PDE4D: variants seen among roughly 807,000 people sequenced by gnomAD.
The protein encoded by PDE4D is phosphodiesterase 4D, also known as 3',5'-cyclic-AMP phosphodiesterase 4D.
In PDE4D, 24 loss-of-function variants were observed where a neutral mutation model predicts 87.4. The observed-to-expected ratio is 0.27, with a 90% CI of 0.20 to 0.39. PDE4D has a LOEUF of 0.39. PDE4D is among the 10% of genes least tolerant of loss of function. The probability of loss-of-function intolerance (pLI) is 1.00; values close to 1 mark genes in which losing one functional copy is unlikely to be tolerated. For synonymous variants in PDE4D, 384 were observed against 383.2 expected, an observed-to-expected ratio of 1.00 and a Z score of -0.02; for missense variants, 714 against 1,041.0, an observed-to-expected ratio of 0.69 and a Z score of 4.32.
intron 1 of PDE4D, among the ~76,000 whole-genome samples, chr5:60,363,831 A>T (rs1237940105): frequency 1.3e-5 from 2 of 152,212 alleles, no homozygotes; most frequent in African/African-American, 4.8e-5. Flanking sequence ...AAGAGAAAGA[A>T]GGCCAGTGTC....
chr5:59,576,224 T>C (rs1823124259), intron 1 of PDE4D, among the ~76,000 whole-genome samples: 2 of 152,142 alleles, frequency 1.3e-5, no homozygotes, highest in South Asian at 4.1e-4. Context: ...ACTGTCCCTA[T>C]GTTACAGATC....
At chr5:59,110,050 C>T (rs189882838) in intron 5 of PDE4D, among the ~76,000 whole-genome samples, 3 of 152,286 alleles carry the variant, frequency 2.0e-5, no homozygotes, top group South Asian at 2.1e-4. Context: ...AAACTATGAC[C>T]ACTGAGCCTT....
intron 6 of PDE4D, among the ~76,000 whole-genome samples, chr5:59,009,180 T>A (rs1752261890): frequency 6.6e-6 from 1 of 152,054 alleles, no homozygotes; most frequent in Non-Finnish European, 1.5e-5. Context: ...TCTTATAAAG[T>A]TAAAAAGTAG....
intron 2 of PDE4D, among the ~76,000 whole-genome samples, chr5:59,198,503 T>G (rs1745986880): frequency 6.6e-6 from 1 of 152,142 alleles, no homozygotes; most frequent in Non-Finnish European, 1.5e-5. Flanking sequence ...TTTCATGATG[T>G]CCAAGGAGGT....
chr5:59,409,616 C>T (rs914367106), intron 1 of PDE4D, among the ~76,000 whole-genome samples: 3 of 152,160 alleles, frequency 2.0e-5, no homozygotes, highest in Admixed American at 6.5e-5. Flanking sequence ...GAGACACCTA[C>T]TCCCCTTTTG....
At chr5:60,460,392 C>T in intron 1 of PDE4D, 1 of 1,039,818 alleles carries the variant, frequency 9.6e-7, no homozygotes. Flanking sequence ...TCAAATAATG[C>T]AGTGCCTCTT....
intron 1 of PDE4D, among the ~76,000 whole-genome samples, chr5:60,418,427 T>A (rs1324060145): frequency 2.0e-5 from 3 of 152,128 alleles, no homozygotes; most frequent in Non-Finnish European, 4.4e-5. Flanking sequence ...ATTAGGAAAA[T>A]CAACCACAGC....
intron 1 of PDE4D, among the ~76,000 whole-genome samples, chr5:60,221,706 G>A (rs960296496): frequency 6.6e-6 from 1 of 151,918 alleles, no homozygotes; most frequent in African/African-American, 2.4e-5. Context: ...CGAATAATAT[G>A]GTATATATTA....
intron 5 of PDE4D, among the ~76,000 whole-genome samples, chr5:59,090,430 A>C (rs1768490763): frequency 6.6e-6 from 1 of 152,122 alleles, no homozygotes; most frequent in African/African-American, 2.4e-5. Flanking sequence ...TCCTCCCGTG[A>C]TATAGAGGAT....
In PDE4D at chr5:59,219,925, G is replaced by A. The variant is rs962328730; in HGVS notation, c.456-3957C>T. On this transcript the variant is annotated intron_variant, in intron 1 of 14. Coordinates refer to ENST00000340635, the MANE Select transcript of PDE4D (RefSeq NM_001104631.2). ...AAGCCACAAAAACAAAACCAAGAAGGAATGAATAAGGCGTGTATATAAAAC... is the reference window on the plus strand; with the variant it reads ...AAGCCACAAAAACAAAACCAAGAAGAAATGAATAAGGCGTGTATATAAAAC... 2.6e-5 allele frequency among the ~76,000 whole-genome samples: 4 copies of A among 152,062 alleles called. 1 individual carries two copies. Among genetic ancestry groups the A allele is most frequent in the Admixed American group, 2.0e-4 (3 of 15,234 alleles).
chr5:59,879,740 G>GT (rs977595326), intron 1 of PDE4D, among the ~76,000 whole-genome samples: 1 of 152,020 alleles, frequency 6.6e-6, no homozygotes, highest in Non-Finnish European at 1.5e-5. Flanking sequence ...TTGTTTTTGG[G>GT]TTTTTTTGTT....
chr5:59,208,726 A>G (rs184559866), intron 2 of PDE4D, among the ~76,000 whole-genome samples: 1 of 152,342 alleles, frequency 6.6e-6, no homozygotes, highest in Admixed American at 6.5e-5. Context: ...GCTAATTTAT[A>G]AGACTTATTT....
At chr5:60,508,168 G>A (rs1168153572) in intron 1 of PDE4D, among the ~76,000 whole-genome samples, 3 of 152,186 alleles carry the variant, frequency 2.0e-5, no homozygotes, top group Non-Finnish European at 4.4e-5. Context: ...CCTACTCTAT[G>A]GACAATATGT....
chr5:59,911,495 T>C (rs1753434526), intron 3 of PDE4D, among the ~76,000 whole-genome samples: 4 of 152,140 alleles, frequency 2.6e-5, no homozygotes, highest in African/African-American at 9.7e-5. Context: ...AACCCCAGTC[T>C]CTGAATTTTC....
At chr5:59,591,085 T>C (rs1195588578) in intron 1 of PDE4D, among the ~76,000 whole-genome samples, 1 of 152,192 alleles carries the variant, frequency 6.6e-6, no homozygotes, top group East Asian at 1.9e-4. Flanking sequence ...TACTTTGTGC[T>C]GTTTCAACAA....
chr5:60,173,568 C>T (rs1179577338), intron 2 of PDE4D, among the ~76,000 whole-genome samples: 1 of 152,010 alleles, frequency 6.6e-6, no homozygotes, highest in Non-Finnish European at 1.5e-5. Context: ...TACACACACA[C>T]ACACACACAA....
At chr5:59,729,652 C>T (rs1413449284) in intron 1 of PDE4D, among the ~76,000 whole-genome samples, 3 of 151,786 alleles carry the variant, frequency 2.0e-5, no homozygotes, top group Admixed American at 6.6e-5. Context: ...TATATTTTAA[C>T]TATCTTCATA....
intron 1 of PDE4D, among the ~76,000 whole-genome samples, chr5:59,885,121 TA>T (rs886708992): frequency 6.6e-6 from 1 of 152,066 alleles, no homozygotes; most frequent in Non-Finnish European, 1.5e-5. Flanking sequence ...CTACCTTTAC[TA>T]AACCCTAAAT....
chr5:59,480,223 T>C (rs188482518), intron 1 of PDE4D, among the ~76,000 whole-genome samples: 6 of 152,068 alleles, frequency 3.9e-5, no homozygotes, highest in Admixed American at 3.9e-4. Context: ...AACTGTTCAG[T>C]AATAGTTTTC....
Sources: allele counts gnomAD v4.1 joint callset (sites outside exome capture counted in the v4.1 genomes callset), GRCh38; gene constraint gnomAD v4.1.1; transcripts MANE v1.5; gene names NCBI Gene and HGNC (gene_info 2026-07-23, HGNC 2026-07-21).